The following ADAMTSL3 variants were observed in gnomAD, a reference collection of about 807,000 sequenced individuals.
ADAMTSL3 encodes ADAMTS-like protein 3.
ADAMTSL3 carries 128 observed loss-of-function variants against 201.7 expected under a neutral mutation model. The ratio of observed to expected loss-of-function variants is 0.63; its 90% CI spans 0.55 to 0.73. The LOEUF (loss-of-function observed/expected upper bound fraction) is 0.73, where lower values mean the gene tolerates loss of function less well. Ranked by LOEUF, ADAMTSL3 falls within the 30% of genes least tolerant of loss-of-function variation. The pLI, the probability that ADAMTSL3 is intolerant of heterozygous loss-of-function variation, is 0.00. For synonymous variants in ADAMTSL3, 738 were observed against 748.4 expected (o/e 0.99, Z 0.23); for missense variants, 1,990 against 2,119.6 (o/e 0.94, Z 1.20).
At position 84,029,391 on chromosome 15, in the gene ADAMTSL3, G is replaced by A. The variant is rs187981351; in HGVS notation, c.4657-1944G>A. 2.4e-3 allele frequency among the ~76,000 whole-genome samples: 358 copies of A among 152,322 alleles called. 5 individuals carry two copies. The highest frequency in any genetic ancestry group is 0.022 in the Admixed American group (332 of 15,306). ...TTGCTATGCTTTAGCAAAGAGAATG[G>A]AGGCATTTTGCCCCTGTCCTAGAGA... On this transcript the variant is annotated intron_variant, in intron 27 of 29. Coordinates refer to ENST00000286744, the MANE Select transcript of ADAMTSL3 (RefSeq NM_207517.3).
At chr15:83,929,106 T>C (rs2066300978) in intron 17 of ADAMTSL3, among the ~76,000 whole-genome samples, 1 of 152,244 alleles carries the variant, frequency 6.6e-6, no homozygotes. Context: ...TCTTTCTAAG[T>C]TGCAAAATGA....
In ADAMTSL3 at chr15:83,756,608, C is replaced by G. The variant is rs555465819; in HGVS notation, c.190-16915C>G. Among the ~76,000 whole-genome samples the G allele has an allele frequency of 7.6e-3, 1,158 of 151,500 alleles. 20 individuals carry two copies. The highest frequency in any genetic ancestry group is 0.012 in the Non-Finnish European group (814 of 67,744). On this transcript the variant is annotated intron_variant, in intron 3 of 29. Transcript: ENST00000286744. ...ATATCATTTCACCCCTGCCCCCCCCCCAAATCTCATGTCCTAACATTTCAA... is the reference window on the plus strand; with the variant it reads ...ATATCATTTCACCCCTGCCCCCCCCGCAAATCTCATGTCCTAACATTTCAA...
At chr15:83,719,116 T>C (rs1016834418) in intron 3 of ADAMTSL3, among the ~76,000 whole-genome samples, 30 of 152,220 alleles carry the variant, frequency 2.0e-4, no homozygotes, top group African/African-American at 6.3e-4. Flanking sequence ...AACCCAGTAC[T>C]ACCCATGTAG....
chr15:83,929,181 C>T (rs1381051034), intron 17 of ADAMTSL3, among the ~76,000 whole-genome samples: 3 of 152,210 alleles, frequency 2.0e-5, no homozygotes, highest in Non-Finnish European at 4.4e-5. Flanking sequence ...AACCCACATT[C>T]TCTACTTTGG....
rs976627159 is a variant in ADAMTSL3 at position 83,970,648 on chromosome 15, G to A, written c.2644+11G>A. ...TGCCTGAGTGCAGTAGTAAGTATGC[G>A]GTGTCCGCGCTTCACCAAGATATGC... On this transcript the variant is annotated intron_variant, in intron 20 of 29. Coordinates refer to ENST00000286744, the MANE Select transcript of ADAMTSL3 (RefSeq NM_207517.3). 2.5e-6 allele frequency: 4 copies of A among 1,613,486 alleles called. No homozygotes were observed. Among genetic ancestry groups the A allele is most frequent in the Admixed American group, 3.3e-5 (2 of 59,942 alleles).
intron 8 of ADAMTSL3, among the ~76,000 whole-genome samples, chr15:83,860,811 G>A (rs11636302): frequency 0.89 from 135,102 of 152,152 alleles, 60,262 homozygotes; most frequent in African/African-American, 0.97. Flanking sequence ...GAGTGTCGGA[G>A]AGTGGGTGCA....
chr15:84,021,565 C>G lies in ADAMTSL3; in HGVS notation c.4429C>G (p.Pro1477Ala), dbSNP rs2068206296. The change falls in exon 26 of 30, where the codon CCC becomes GCC. Residue 1477 changes from proline (P) to alanine (A), a missense_variant. Physicochemically the swap from Pro to Ala is conservative, Grantham distance 27 (BLOSUM62 -1). Coordinates refer to ENST00000286744, the MANE Select transcript of ADAMTSL3 (RefSeq NM_207517.3). ...CCAGAAGCCACTGGCTGGGTTTGAG[C>G]CCTGTAACATCCGGGACTGCCCAGC... ...HLQKPLAGFE[P>A]CNIRDCPARW... 1.9e-6 allele frequency: 3 copies of G among 1,614,020 alleles called. No homozygotes were observed. The highest frequency in any genetic ancestry group is 2.7e-5 in the African/African-American group (2 of 74,908).
chr15:83,730,517 T>C (rs2141602803), intron 3 of ADAMTSL3, among the ~76,000 whole-genome samples: 1 of 152,154 alleles, frequency 6.6e-6, no homozygotes, highest in South Asian at 2.1e-4. Context: ...GGTCAGATGC[T>C]GGAATGGAGA....
intron 23 of ADAMTSL3, among the ~76,000 whole-genome samples, chr15:84,000,059 CA>C (rs1034311967): frequency 0.011 from 1,483 of 134,138 alleles, 13 homozygotes; most frequent in African/African-American, 0.03. Flanking sequence ...TCCCTTTGGC[CA>C]AAAAAAAAAA....
In ADAMTSL3 at chr15:83,741,382, T is replaced by G. The variant is rs1037838610; in HGVS notation, c.190-32141T>G. On this transcript the variant is annotated intron_variant, in intron 3 of 29. Transcript: ENST00000286744. ...ATTAAAAAGTCAGTCATTAACAGAT[T>G]GTGGAATTATCTCAACAGCTGTCAT... Among the ~76,000 whole-genome samples the G allele has an allele frequency of 2.6e-5, 4 of 152,216 alleles. No individual in the cohort carries two copies. The South Asian group carries it at 6.2e-4, about 24-fold the overall frequency.
Position 83,913,096 on chromosome 15 carries a change from A to T in ADAMTSL3, c.1705A>T (p.Ile569Phe). 1 of 1,613,392 alleles carries T rather than the reference A, an allele frequency of 6.2e-7. No individual in the cohort carries two copies. The highest frequency in any genetic ancestry group is 8.5e-7 in the Non-Finnish European group (1 of 1,179,668). Residue 569 changes from isoleucine to phenylalanine, a missense_variant, in exon 16 of 30, where the codon ATT (isoleucine) becomes TTT (phenylalanine). Coordinates refer to ENST00000286744, the MANE Select transcript of ADAMTSL3 (RefSeq NM_207517.3). ...TRIATEEPTF[I>F]PEPWSACSTT... ...TGGCTTCCTGGTTTTCCCTAGGTTC[A>T]TTCCAGAACCCTGGTCAGCCTGCAG...
At position 83,943,063 on chromosome 15, in the gene ADAMTSL3, C is replaced by T. The variant is rs1273455986; in HGVS notation, c.2471C>T (p.Ala824Val). 4 of 1,611,352 alleles carry T rather than the reference C, an allele frequency of 2.5e-6. No homozygotes were observed. The highest frequency in any genetic ancestry group is 1.3e-5 in the African/African-American group (1 of 74,934). ...CARTDCPPHL[A>V]VGDWSKCSVS... ...AGGACAGACTGTCCTCCACATTTAG[C>T]TGTGGGAGACTGGTCGAAGGTAAGG... Residue 824 changes from alanine to valine, a missense_variant, in exon 19 of 30, where the codon GCT becomes GTT. By Grantham distance (64) the Ala-to-Val change is moderately conservative. Coordinates refer to ENST00000286744, the MANE Select transcript of ADAMTSL3 (RefSeq NM_207517.3).
intron 17 of ADAMTSL3, among the ~76,000 whole-genome samples, chr15:83,939,736 C>T (rs4842926): frequency 0.49 from 75,042 of 151,742 alleles, 19,054 homozygotes; most frequent in Admixed American, 0.64. Context: ...GTTCTCATGC[C>T]TCAGCCTACC....
intron 3 of ADAMTSL3, among the ~76,000 whole-genome samples, chr15:83,711,973 A>G (rs2061939656): frequency 6.6e-6 from 1 of 152,202 alleles, no homozygotes; most frequent in Admixed American, 6.5e-5. Context: ...ATCTTTCCTT[A>G]AAAGTCCCTC....
At chr15:83,755,304 T>G (rs1432658899) in intron 3 of ADAMTSL3, among the ~76,000 whole-genome samples, 3 of 152,208 alleles carry the variant, frequency 2.0e-5, no homozygotes, top group African/African-American at 7.2e-5. Flanking sequence ...AGTGTACAGT[T>G]TAGTGGCATC....
intron 10 of ADAMTSL3, among the ~76,000 whole-genome samples, chr15:83,886,114 A>G (rs892213250): frequency 5.9e-5 from 9 of 152,338 alleles, no homozygotes; most frequent in African/African-American, 2.2e-4. Context: ...AGCATCTTTC[A>G]TGCTCCGGTG....
intron 3 of ADAMTSL3, among the ~76,000 whole-genome samples, chr15:83,719,479 T>C (rs1448244462): frequency 1.3e-5 from 2 of 152,202 alleles, no homozygotes; most frequent in Non-Finnish European, 2.9e-5. Flanking sequence ...ATAAGAAAAT[T>C]GGAAAATTAC....
chr15:83,819,555 A>G (rs1288118052), intron 5 of ADAMTSL3, among the ~76,000 whole-genome samples: 3 of 152,082 alleles, frequency 2.0e-5, no homozygotes, highest in Admixed American at 6.5e-5. Context: ...TTATCTGGAA[A>G]AAATACCTGG....
At chr15:83,712,714 T>A (rs1432154947) in intron 3 of ADAMTSL3, among the ~76,000 whole-genome samples, 2 of 152,176 alleles carry the variant, frequency 1.3e-5, no homozygotes, top group Non-Finnish European at 2.9e-5. Flanking sequence ...TGATGGCCCT[T>A]AAAATTGCCT....
Sources: allele counts gnomAD v4.1 joint callset (sites outside exome capture counted in the v4.1 genomes callset), GRCh38; gene constraint gnomAD v4.1.1; transcripts MANE v1.5; gene names NCBI Gene and HGNC (gene_info 2026-07-23, HGNC 2026-07-21).